The following PCGF5 variants were observed in gnomAD, a reference collection of about 807,000 sequenced individuals.
PCGF5 encodes the protein polycomb group ring finger 5.
PCGF5 carries 9 observed loss-of-function variants against 44.3 expected under a neutral mutation model. The ratio of observed to expected loss-of-function variants is 0.20; its 90% CI spans 0.12 to 0.35. The LOEUF (loss-of-function observed/expected upper bound fraction) is 0.35, where lower values mean the gene tolerates loss of function less well. PCGF5 is among the 10% of genes least tolerant of loss of function. The pLI is 1.00. For synonymous variants in PCGF5, 95 were observed against 102.5 expected (o/e 0.93, Z 0.44); for missense variants, 146 against 305.3 (o/e 0.48, Z 3.89).
chr10:91,175,788 T>C (rs1220496054), intron 1 of PCGF5, among the ~76,000 whole-genome samples: 2 of 152,224 alleles, frequency 1.3e-5, no homozygotes, highest in Admixed American at 6.5e-5. Context: ...TCCCTTTATT[T>C]TGAGCCTATG....
chr10:91,200,202 G>A (rs1166919806), intron 1 of PCGF5, among the ~76,000 whole-genome samples: 1 of 152,232 alleles, frequency 6.6e-6, no homozygotes. Context: ...CAAGAAGGCT[G>A]CCTTCAGCAT....
upstream of PCGF5, among the ~76,000 whole-genome samples, chr10:91,218,094 G>C (rs1844579156): frequency 6.6e-6 from 1 of 152,126 alleles, no homozygotes. Context: ...GCCCTAATCT[G>C]TTTCTTACCA....
intron 6 of PCGF5, among the ~76,000 whole-genome samples, chr10:91,257,977 T>A (rs1845799151): frequency 6.6e-6 from 1 of 152,124 alleles, no homozygotes; most frequent in African/African-American, 2.4e-5. Flanking sequence ...TAAACTGCAA[T>A]GAAGTACTGA....
chr10:91,278,671 TTG>T lies in PCGF5; in HGVS notation c.*358_*359del, dbSNP rs1846375843. 1 of 221,360 alleles carries T rather than the reference TTG, an allele frequency of 4.5e-6. No individual in the cohort carries two copies. The highest frequency in any genetic ancestry group is 8.9e-6 in the Non-Finnish European group (1 of 112,806). The allele number at this position is 221,360 out of a possible 1,614,324, so 13.7% of individuals were successfully genotyped here. A position where few individuals can be genotyped will look rare whatever the true frequency, so the allele number is the denominator to read the frequency against. Reference sequence around the variant, plus strand: ...TTACACTAGTAAAATGGCTCAATTTTTGTGGTGTTGCAGTTTTCACATACTTA... The same window carrying T: ...TTACACTAGTAAAATGGCTCAATTTTTGGTGTTGCAGTTTTCACATACTTA... On this transcript the variant is annotated 3_prime_UTR_variant, in exon 10 of 10. Transcript: ENST00000336126.
intron 3 of PCGF5, among the ~76,000 whole-genome samples, chr10:91,247,986 T>C (rs1845511741): frequency 6.6e-6 from 1 of 152,132 alleles, no homozygotes; most frequent in Admixed American, 6.6e-5. Flanking sequence ...TGTGCTGATC[T>C]TGGGGGATGG....
intron 7 of PCGF5, among the ~76,000 whole-genome samples, chr10:91,261,747 T>C (rs1310018264): frequency 6.6e-6 from 1 of 152,240 alleles, no homozygotes; most frequent in Non-Finnish European, 1.5e-5. Context: ...TGTCATTTTT[T>C]ATCTGAGATC....
intron 6 of PCGF5, among the ~76,000 whole-genome samples, chr10:91,253,484 C>T (rs1157193021): frequency 2.0e-5 from 3 of 152,000 alleles, no homozygotes; most frequent in African/African-American, 4.8e-5. Context: ...TCACTAACAC[C>T]GGAAACTTGA....
intron 1 of PCGF5, among the ~76,000 whole-genome samples, chr10:91,179,919 C>T (rs1007582392): frequency 4.6e-5 from 7 of 152,150 alleles, no homozygotes; most frequent in Admixed American, 2.6e-4. Flanking sequence ...TTTGAGGAAT[C>T]GCCATACTGT....
intron 1 of PCGF5, among the ~76,000 whole-genome samples, chr10:91,203,155 C>T (rs975872120): frequency 1.3e-5 from 2 of 152,174 alleles, no homozygotes; most frequent in African/African-American, 2.4e-5. Flanking sequence ...GTCTCTAGAG[C>T]ATGCCACTAT....
intron 2 of PCGF5, among the ~76,000 whole-genome samples, chr10:91,237,692 C>T (rs1030474162): frequency 5.3e-5 from 8 of 151,580 alleles, no homozygotes; most frequent in Non-Finnish European, 1.0e-4. Flanking sequence ...TGCAGTGAGC[C>T]GAGATCGCGC....
chr10:91,267,535 C>T (rs978873900), intron 8 of PCGF5, among the ~76,000 whole-genome samples: 9 of 152,152 alleles, frequency 5.9e-5, no homozygotes, highest in Admixed American at 2.6e-4. Context: ...TTATCTTTTA[C>T]AAGGTAATGG....
upstream of PCGF5, among the ~76,000 whole-genome samples, chr10:91,217,473 C>CTTTTAGTATAGAACTTTAGTATAGAA (rs1844564791): frequency 6.6e-6 from 1 of 152,134 alleles, no homozygotes; most frequent in Admixed American, 6.5e-5. Flanking sequence ...TATAGAACTA[C>CTTTTAGTATAGAACTTTAGTATAGAA]CTACCCACCC....
intron 6 of PCGF5, among the ~76,000 whole-genome samples, chr10:91,256,962 G>A (rs1417256990): frequency 3.3e-5 from 5 of 152,030 alleles, no homozygotes; most frequent in African/African-American, 9.7e-5. Flanking sequence ...TAGATAAATT[G>A]TAAATGTAAA....
chr10:91,282,466 AC>A lies in PCGF5; in HGVS notation c.*4151del, dbSNP rs1166705213. On this transcript the variant is annotated 3_prime_UTR_variant, in exon 10 of 10. Coordinates refer to ENST00000336126, the MANE Select transcript of PCGF5 (RefSeq NM_032373.5). ...ACCACTGCACTCCAGCCTGGGTGAC[AC>A]AGCGAGTCTCCATCTCCAAAAAAAA... is the stretch of plus-strand genomic sequence containing the variant. 1 of 152,684 alleles carries A rather than the reference AC, an allele frequency of 6.5e-6. No homozygotes were observed. Among genetic ancestry groups the A allele is most frequent in the Non-Finnish European group, 1.5e-5 (1 of 68,070 alleles). 9.5% of individuals were successfully genotyped at this position (152,684 alleles called of 1,614,324 possible).
intron 1 of PCGF5, among the ~76,000 whole-genome samples, chr10:91,202,124 T>C (rs1347730179): frequency 3.3e-5 from 5 of 152,228 alleles, no homozygotes; most frequent in Admixed American, 3.3e-4. Context: ...CCTAGGATTA[T>C]TGTGAGAAAT....
At chr10:91,189,443 G>T (rs1843991480) in intron 1 of PCGF5, among the ~76,000 whole-genome samples, 1 of 152,150 alleles carries the variant, frequency 6.6e-6, no homozygotes. Context: ...CTAGATAAAT[G>T]AATATAAGAT....
At chr10:91,259,485 G>A (rs1478081796) in intron 6 of PCGF5, among the ~76,000 whole-genome samples, 1 of 152,044 alleles carries the variant, frequency 6.6e-6, no homozygotes, top group Non-Finnish European at 1.5e-5. Context: ...AGTTCATATG[G>A]AACCAAAAAA....
chr10:91,207,831 C>T (rs1168546786), intron 1 of PCGF5, among the ~76,000 whole-genome samples: 2 of 152,082 alleles, frequency 1.3e-5, no homozygotes, highest in Non-Finnish European at 2.9e-5. Flanking sequence ...TGGGCAGAAA[C>T]ATTACATAGG....
intron 5 of PCGF5, among the ~76,000 whole-genome samples, 196 bp from the exon 6 acceptor site, chr10:91,251,095 CA>C (rs1442422367): frequency 2.1e-5 from 3 of 142,684 alleles, no homozygotes; most frequent in Non-Finnish European, 3.0e-5. Flanking sequence ...AATAAGTTTC[CA>C]ATTTTTTTTT....
Sources: allele counts gnomAD v4.1 joint callset (sites outside exome capture counted in the v4.1 genomes callset), GRCh38; gene constraint gnomAD v4.1.1; transcripts MANE v1.5; gene names NCBI Gene and HGNC (gene_info 2026-07-23, HGNC 2026-07-21).